Variants in FERRY3 observed in about 807,000 individuals in gnomAD.
FERRY3 encodes protein C12orf4.
At chr12:4,520,615 A>G in the FERRY3 span, among the ~76,000 whole-genome samples, 1 of 152,176 alleles carries the variant, frequency 6.6e-6, no homozygotes, top group Non-Finnish European at 1.5e-5. Context: ...GTACTGACAG[A>G]CACGAAACCA....
the FERRY3 span, chr12:4,491,155 T>C: frequency 2.5e-6 from 4 of 1,610,674 alleles, no homozygotes; most frequent in Non-Finnish European, 3.4e-6. Flanking sequence ...GTGGTGGTTG[T>C]CAGAGAGAAG....
chr12:4,525,184 A>T, the FERRY3 span: 173 of 1,530,986 alleles, frequency 1.1e-4, no homozygotes, highest in Non-Finnish European at 1.5e-4. Flanking sequence ...AAAAGGTTTA[A>T]CTTTGTAGTA....
At chr12:4,518,386 A>G in the FERRY3 span, 1 of 742,400 alleles carries the variant, frequency 1.3e-6, no homozygotes, top group Non-Finnish European at 2.2e-6. Context: ...GGGCCTTGCA[A>G]CTTCCCATTT....
At chr12:4,533,449 C>T in the FERRY3 span, among the ~76,000 whole-genome samples, 13 of 152,138 alleles carry the variant, frequency 8.5e-5, no homozygotes, top group African/African-American at 2.7e-4. Flanking sequence ...ACCAACTTAC[C>T]GAAACTGATC....
the FERRY3 span, among the ~76,000 whole-genome samples, chr12:4,496,095 T>C: frequency 9.2e-5 from 14 of 152,298 alleles, no homozygotes; most frequent in Middle Eastern, 3.4e-3. Flanking sequence ...CACATACGTC[T>C]GAGTTGTTTT....
the FERRY3 span, among the ~76,000 whole-genome samples, chr12:4,516,306 GA>G: frequency 2.0e-5 from 3 of 152,138 alleles, no homozygotes; most frequent in Non-Finnish European, 4.4e-5. Flanking sequence ...GAACCTTGAA[GA>G]AAATCATCCT....
chr12:4,529,658 T>C, the FERRY3 span, among the ~76,000 whole-genome samples: 1 of 152,210 alleles, frequency 6.6e-6, no homozygotes, highest in South Asian at 2.1e-4. Context: ...CAGTATCATT[T>C]ACTTAGTTAA....
At chr12:4,491,317 G>T in the FERRY3 span, 1 of 1,242,194 alleles carries the variant, frequency 8.1e-7, no homozygotes, top group Non-Finnish European at 1.2e-6. Flanking sequence ...CTATAGTGTT[G>T]ACTATCCATG....
At chr12:4,514,330 A>G in the FERRY3 span, among the ~76,000 whole-genome samples, 1 of 151,148 alleles carries the variant, frequency 6.6e-6, no homozygotes, top group African/African-American at 2.5e-5. Flanking sequence ...TGTGGAAGTC[A>G]GTGTGGCGAT....
chr12:4,493,922 G>A, the FERRY3 span, among the ~76,000 whole-genome samples: 1 of 151,964 alleles, frequency 6.6e-6, no homozygotes, highest in African/African-American at 2.4e-5. Flanking sequence ...GTGAAACCCC[G>A]TCTCTACTAA....
the FERRY3 span, among the ~76,000 whole-genome samples, chr12:4,499,633 C>G: frequency 1.3e-5 from 2 of 152,104 alleles, no homozygotes; most frequent in Non-Finnish European, 2.9e-5. Context: ...TAAAAGGAAC[C>G]CTTGAGACAA....
the FERRY3 span, among the ~76,000 whole-genome samples, chr12:4,497,461 AG>A: frequency 1.3e-5 from 2 of 152,176 alleles, no homozygotes; most frequent in African/African-American, 4.8e-5. Context: ...TGAAAAGTTG[AG>A]CTGCGTACCT....
At chr12:4,505,503 T>C in the FERRY3 span, 8 of 660,348 alleles carry the variant, frequency 1.2e-5, no homozygotes, top group South Asian at 1.4e-4. Context: ...GTGCCAGGCA[T>C]TCTGCTATAT....
the FERRY3 span, chr12:4,500,073 T>TG: frequency 6.9e-7 from 1 of 1,439,034 alleles, no homozygotes; most frequent in Non-Finnish European, 9.7e-7. Flanking sequence ...TATATAATAT[T>TG]GGGGGTTAAA....
At chr12:4,533,384 TC>T in the FERRY3 span, among the ~76,000 whole-genome samples, 245 of 152,306 alleles carry the variant, frequency 1.6e-3, 1 homozygote, top group South Asian at 4.1e-3. Flanking sequence ...TACTAATTCT[TC>T]CTATTTCCAC....
chr12:4,491,179 T>G, the FERRY3 span: 1 of 1,613,232 alleles, frequency 6.2e-7, no homozygotes. Context: ...ATGCTCACCT[T>G]TGACACACTT....
chr12:4,518,052 A>C, the FERRY3 span: 33 of 1,594,136 alleles, frequency 2.1e-5, no homozygotes, highest in Non-Finnish European at 2.4e-5. Context: ...TATGATGTTA[A>C]CTTACCTCTT....
chr12:4,518,732 A>G, the FERRY3 span: 1 of 1,078,096 alleles, frequency 9.3e-7, no homozygotes, highest in Admixed American at 2.3e-5. Context: ...TAGTTTCAGA[A>G]GTTACAATAA....
At chr12:4,518,752 G>C in the FERRY3 span, 21 of 1,335,334 alleles carry the variant, frequency 1.6e-5, no homozygotes, top group Non-Finnish European at 2.2e-5. Context: ...AATTATAACT[G>C]CAAAAAAATT....
Sources: allele counts gnomAD v4.1 joint callset (sites outside exome capture counted in the v4.1 genomes callset), GRCh38; gene constraint gnomAD v4.1.1; transcripts MANE v1.5; gene names NCBI Gene and HGNC (gene_info 2026-07-23, HGNC 2026-07-21).